Variants in SULF1 observed in about 807,000 individuals in gnomAD.
SULF1 encodes extracellular sulfatase Sulf-1.
A neutral mutation model predicts 110.5 loss-of-function variants in SULF1; 46 were observed. The ratio of observed to expected loss-of-function variants is 0.42; its 90% CI spans 0.33 to 0.53. The LOEUF is 0.53. SULF1 is among the 20% of genes least tolerant of loss of function. The probability of loss-of-function intolerance (pLI) is 0.12; values close to 1 mark genes in which losing one functional copy is unlikely to be tolerated. For synonymous variants in SULF1, 371 were observed against 387.1 expected (o/e 0.96, Z 0.49); for missense variants, 941 against 1,094.2 (o/e 0.86, Z 1.98).
chr8:69,561,494 T>G, intron 3 of SULF1, among the ~76,000 whole-genome samples: 1 of 152,206 alleles, frequency 6.6e-6, no homozygotes, highest in Non-Finnish European at 1.5e-5. Flanking sequence ...AAGAAAAGAA[T>G]AACTAGCAAT....
intron 13 of SULF1, among the ~76,000 whole-genome samples, chr8:69,607,646 G>A (rs1054203977): frequency 5.3e-5 from 8 of 152,174 alleles, no homozygotes; most frequent in African/African-American, 9.7e-5. Context: ...TTACAGGAGC[G>A]AGCCTCCATG....
At chr8:69,503,767 A>T (rs1810973270) in intron 3 of SULF1, among the ~76,000 whole-genome samples, 3 of 151,996 alleles carry the variant, frequency 2.0e-5, no homozygotes. Flanking sequence ...AGTTTCTCTT[A>T]TGCTATGAAG....
At chr8:69,550,213 T>G (rs891341835) in intron 3 of SULF1, among the ~76,000 whole-genome samples, 1 of 152,062 alleles carries the variant, frequency 6.6e-6, no homozygotes, top group African/African-American at 2.4e-5. Context: ...ATCCCCATTC[T>G]GCCCTTACTG....
intron 1 of SULF1, among the ~76,000 whole-genome samples, chr8:69,468,722 G>A (rs948259492): frequency 1.3e-5 from 2 of 152,160 alleles, no homozygotes; most frequent in Non-Finnish European, 2.9e-5. Context: ...AGAACTACAT[G>A]GACAGCATAT....
At chr8:69,653,559 A>G (rs1812513625) in intron 22 of SULF1, among the ~76,000 whole-genome samples, 2 of 152,378 alleles carry the variant, frequency 1.3e-5, no homozygotes, top group East Asian at 3.9e-4. Flanking sequence ...TGCATTCACC[A>G]GCTGGAAATT....
At chr8:69,493,625 C>T (rs2150558178) in intron 1 of SULF1, among the ~76,000 whole-genome samples, 1 of 152,314 alleles carries the variant, frequency 6.6e-6, no homozygotes, top group Admixed American at 6.5e-5. Flanking sequence ...AGTTTCTTTT[C>T]ACACTACGAA....
chr8:69,546,328 C>G (rs530606608), intron 3 of SULF1, among the ~76,000 whole-genome samples: 2 of 152,276 alleles, frequency 1.3e-5, no homozygotes, highest in East Asian at 3.9e-4. Context: ...TGTGCCTTAT[C>G]ATTATTGTAT....
At chr8:69,630,749 A>C (rs539122690) in intron 19 of SULF1, among the ~76,000 whole-genome samples, 3 of 152,224 alleles carry the variant, frequency 2.0e-5, no homozygotes, top group Non-Finnish European at 4.4e-5. Context: ...ACAGGTAGAA[A>C]AAAAAGAAAG....
chr8:69,578,478 T>G (rs1043493846), intron 6 of SULF1, among the ~76,000 whole-genome samples: 13 of 149,716 alleles, frequency 8.7e-5, no homozygotes, highest in Non-Finnish European at 1.9e-4. Context: ...GCATAAGGTA[T>G]ATCTCCTAAT....
intron 1 of SULF1, among the ~76,000 whole-genome samples, chr8:69,470,226 T>C (rs1298520792): frequency 6.6e-6 from 1 of 152,150 alleles, no homozygotes. Flanking sequence ...GATTAAAATT[T>C]TTAAAACCAG....
intron 13 of SULF1, among the ~76,000 whole-genome samples, chr8:69,613,717 T>C (rs1446197797): frequency 6.6e-6 from 1 of 152,164 alleles, no homozygotes; most frequent in African/African-American, 2.4e-5. Context: ...TAATAATTAT[T>C]TTGTACAGTT....
At chr8:69,617,101 T>G (rs949523939) in intron 13 of SULF1, among the ~76,000 whole-genome samples, 10 of 151,996 alleles carry the variant, frequency 6.6e-5, no homozygotes, top group Admixed American at 2.0e-4. Context: ...TCCCAAACTT[T>G]GCAAAGTTAC....
chr8:69,496,331 C>T (rs2150563176), intron 2 of SULF1, among the ~76,000 whole-genome samples: 2 of 152,368 alleles, frequency 1.3e-5, no homozygotes, highest in Admixed American at 1.3e-4. Flanking sequence ...AGCCTTACCA[C>T]TTATTAGAAA....
At chr8:69,468,531 C>G (rs979888173) in intron 1 of SULF1, among the ~76,000 whole-genome samples, 2 of 152,140 alleles carry the variant, frequency 1.3e-5, no homozygotes, top group African/African-American at 4.8e-5. Flanking sequence ...CATAAATACC[C>G]AGGCAGTTAT....
At chr8:69,645,832 T>C (rs556597165) in intron 22 of SULF1, among the ~76,000 whole-genome samples, 2 of 152,262 alleles carry the variant, frequency 1.3e-5, no homozygotes, top group South Asian at 2.1e-4. Flanking sequence ...AATGATGATA[T>C]GATGTATCTT....
intron 18 of SULF1, among the ~76,000 whole-genome samples, 178 bp downstream of exon 18, chr8:69,628,414 G>C (rs569992524): frequency 6.6e-6 from 1 of 152,170 alleles, no homozygotes; most frequent in Admixed American, 6.5e-5. Context: ...CCAAGGGACC[G>C]TGGCAATGCT....
At chr8:69,575,907 A>T in intron 5 of SULF1, 63 bp from the exon 6 acceptor site, 3 of 1,572,878 alleles carry the variant, frequency 1.9e-6, no homozygotes, top group South Asian at 2.4e-5. Context: ...ACTGAGGGGC[A>T]CAATCGAAAT....
rs781022709 is a variant in SULF1 at position 69,629,639 on chromosome 8, G to A, written c.2244G>A (p.Thr748=). The change falls in exon 19 of 23, where the codon ACG becomes ACA. Residue 748 remains threonine, a synonymous_variant. Transcript: ENST00000402687. ...GCCTGCCTGGCCTCACTTGCTTCAC[G>A]CATGACAACAACCACTGGCAGACAG... ...ECSLPGLTCF[T]HDNNHWQTAP... is the part of the protein sequence containing the mutation. 18 of 1,612,424 alleles carry A rather than the reference G, an allele frequency of 1.1e-5. No individual in the cohort carries two copies. Among genetic ancestry groups the A allele is most frequent in the Middle Eastern group, 3.3e-4 (2 of 6,054 alleles).
chr8:69,579,773 A>G (rs1475312642), intron 6 of SULF1, among the ~76,000 whole-genome samples: 1 of 152,218 alleles, frequency 6.6e-6, no homozygotes, highest in African/African-American at 2.4e-5. Context: ...TTAGAAAATT[A>G]AGAGAATTGG....
Sources: allele counts gnomAD v4.1 joint callset (sites outside exome capture counted in the v4.1 genomes callset), GRCh38; gene constraint gnomAD v4.1.1; transcripts MANE v1.5; gene names NCBI Gene and HGNC (gene_info 2026-07-23, HGNC 2026-07-21).